TENM4: variants seen among roughly 807,000 people sequenced by gnomAD.
TENM4 encodes teneurin-4.
Under a neutral mutation model 243.3 loss-of-function variants are expected in TENM4, and 82 were observed. That is an observed-to-expected ratio of 0.34 (90% CI 0.28 to 0.40). The LOEUF (loss-of-function observed/expected upper bound fraction) is 0.40. Ranked by LOEUF, TENM4 falls within the 10% of genes least tolerant of loss-of-function variation. TENM4 has a pLI of 1.00. For missense variants in TENM4, 3,138 were observed against 3,673.3 expected, an observed-to-expected ratio of 0.85 and a Z score of 3.77; for synonymous variants, 1,412 against 1,456.3, an observed-to-expected ratio of 0.97 and a Z score of 0.69.
chr11:79,384,196 C>T (rs969582382), intron 1 of TENM4, among the ~76,000 whole-genome samples: 3 of 152,172 alleles, frequency 2.0e-5, no homozygotes, highest in Non-Finnish European at 4.4e-5. Context: ...TAGCAGAGGG[C>T]CTGAATCCAT....
chr11:79,259,457 ATCTT>A (rs1330902511), intron 2 of TENM4, among the ~76,000 whole-genome samples: 1 of 152,018 alleles, frequency 6.6e-6, no homozygotes, highest in Non-Finnish European at 1.5e-5. Flanking sequence ...CTACCTATCT[ATCTT>A]CATCTACCCA....
intron 18 of TENM4, among the ~76,000 whole-genome samples, chr11:78,768,474 C>A (rs961790435): frequency 6.6e-6 from 1 of 152,242 alleles, no homozygotes. Context: ...TGTCCCACTG[C>A]ATTGCAATTA....
chr11:79,220,170 T>C (rs896538351), intron 2 of TENM4, among the ~76,000 whole-genome samples: 2 of 152,246 alleles, frequency 1.3e-5, no homozygotes, highest in African/African-American at 2.4e-5. Context: ...GGGCTCCTAA[T>C]GCACTCAGAA....
intron 19 of TENM4, among the ~76,000 whole-genome samples, chr11:78,748,006 G>A (rs1010035534): frequency 1.3e-5 from 2 of 152,198 alleles, no homozygotes; most frequent in African/African-American, 2.4e-5. Flanking sequence ...AGCACAGAGG[G>A]CTGATGGTCT....
chr11:79,289,169 T>A (rs553507270), intron 2 of TENM4, among the ~76,000 whole-genome samples: 58 of 152,172 alleles, frequency 3.8e-4, no homozygotes, highest in Non-Finnish European at 7.2e-4. Context: ...CATGAGCAAA[T>A]TCCAGATGAT....
At chr11:79,324,662 G>GTA (rs1447490550) in intron 1 of TENM4, among the ~76,000 whole-genome samples, 3 of 152,030 alleles carry the variant, frequency 2.0e-5, no homozygotes, top group East Asian at 3.9e-4. Flanking sequence ...ATATATATGT[G>GTA]TATATATATG....
chr11:78,809,742 T>C (rs1857458402), intron 14 of TENM4, among the ~76,000 whole-genome samples: 1 of 152,156 alleles, frequency 6.6e-6, no homozygotes, highest in South Asian at 2.1e-4. Flanking sequence ...TAGAGATGTG[T>C]CAAATAGTTA....
Position 78,708,965 on chromosome 11 carries a change from C to CTTT in TENM4, c.4055-453_4055-451dup, listed in dbSNP as rs1188328355. ...AACCATTTTTCTTTTCTTTCTTTTT[C>CTTT]TTTCTTTTTTTTTTTTTTTAAAAAA... On this transcript the variant is annotated intron_variant, in intron 26 of 33. Transcript: ENST00000278550. Among the ~76,000 whole-genome samples, 117 of 132,828 alleles carry CTTT rather than the reference C, an allele frequency of 8.8e-4. 1 individual carries two copies. The East Asian group carries it at 0.017, about 19-fold the overall frequency. The allele number at this position is 132,828 out of a possible 152,430, so 87.1% of individuals were successfully genotyped here.
At chr11:78,861,835 C>G (rs1175436768) in intron 10 of TENM4, among the ~76,000 whole-genome samples, 1 of 152,182 alleles carries the variant, frequency 6.6e-6, no homozygotes, top group Non-Finnish European at 1.5e-5. Flanking sequence ...CAGCTATTGC[C>G]AATGTGCTGA....
At chr11:79,412,476 C>A (rs1319418225) in intron 1 of TENM4, among the ~76,000 whole-genome samples, 1 of 152,194 alleles carries the variant, frequency 6.6e-6, no homozygotes, top group South Asian at 2.1e-4. Flanking sequence ...GACTCTAGAG[C>A]TGAATTATCT....
chr11:79,381,558 T>C lies in TENM4; in HGVS notation c.-321+58951A>G, dbSNP rs566338805. Reference sequence around the variant, plus strand: ...GAGTTCATTAAACTCTGGACCGAATTTGGGGCCAGGTATTAGGGTGCAAAT... The same window carrying C: ...GAGTTCATTAAACTCTGGACCGAATCTGGGGCCAGGTATTAGGGTGCAAAT... On this transcript the variant is annotated intron_variant, in intron 1 of 33. Transcript: ENST00000278550. Among the ~76,000 whole-genome samples, 25 of 150,094 alleles carry C rather than the reference T, an allele frequency of 1.7e-4. No homozygotes were observed. The South Asian group carries it at 5.4e-3, about 32-fold the overall frequency.
intron 9 of TENM4, among the ~76,000 whole-genome samples, chr11:78,881,365 C>A (rs986651017): frequency 1.3e-5 from 2 of 152,158 alleles, no homozygotes; most frequent in African/African-American, 4.8e-5. Flanking sequence ...TGGGTTCCAC[C>A]ACCAGGAGGA....
intron 12 of TENM4, among the ~76,000 whole-genome samples, chr11:78,844,063 G>A (rs535012259): frequency 1.3e-5 from 2 of 152,160 alleles, no homozygotes; most frequent in Non-Finnish European, 1.5e-5. Context: ...TCGAAGACTC[G>A]GCTTTATGTT....
chr11:78,796,232 A>G (rs906205458), intron 15 of TENM4, among the ~76,000 whole-genome samples: 2 of 152,210 alleles, frequency 1.3e-5, no homozygotes, highest in African/African-American at 4.8e-5. Flanking sequence ...ATTGGAGAGT[A>G]TCTGGCTTCC....
At chr11:78,963,731 C>CT (rs66777307) in intron 6 of TENM4, among the ~76,000 whole-genome samples, 8 of 98,978 alleles carry the variant, frequency 8.1e-5, no homozygotes, top group African/African-American at 2.9e-4. Context: ...GGTTCCATGA[C>CT]TTTTTTTTTT....
At chr11:79,056,949 G>C (rs1040997722) in intron 6 of TENM4, among the ~76,000 whole-genome samples, 1 of 152,182 alleles carries the variant, frequency 6.6e-6, no homozygotes, top group African/African-American at 2.4e-5. Flanking sequence ...TAAGAGTCTT[G>C]AAGTCATCCT....
intron 3 of TENM4, among the ~76,000 whole-genome samples, chr11:79,213,852 T>G (rs758158150): frequency 1.3e-5 from 2 of 152,184 alleles, no homozygotes; most frequent in Non-Finnish European, 2.9e-5. Flanking sequence ...GAGCATTGGT[T>G]TTCTTACCTT....
At chr11:78,786,057 A>G (rs566953625) in intron 16 of TENM4, among the ~76,000 whole-genome samples, 6 of 152,372 alleles carry the variant, frequency 3.9e-5, no homozygotes, top group Middle Eastern at 6.8e-3. Flanking sequence ...GGTTGATTCA[A>G]TAAAGAGCTT....
At chr11:78,930,911 C>A (rs1376415335) in intron 6 of TENM4, among the ~76,000 whole-genome samples, 2 of 152,154 alleles carry the variant, frequency 1.3e-5, no homozygotes, top group Non-Finnish European at 2.9e-5. Flanking sequence ...ATCTTTTGGG[C>A]CCAGACTTCA....
Sources: allele counts gnomAD v4.1 joint callset (sites outside exome capture counted in the v4.1 genomes callset), GRCh38; gene constraint gnomAD v4.1.1; transcripts MANE v1.5; gene names NCBI Gene and HGNC (gene_info 2026-07-23, HGNC 2026-07-21).